Variants in DNM2 observed in about 807,000 individuals in gnomAD.
DNM2 encodes dynamin-2.
Under a neutral mutation model 99.0 loss-of-function variants are expected in DNM2, and 15 were observed. The ratio of observed to expected loss-of-function variants is 0.15; its 90% confidence interval spans 0.10 to 0.23. The LOEUF is 0.23. Ranked by LOEUF, DNM2 falls within the 10% of genes least tolerant of loss-of-function variation. DNM2 has a pLI of 1.00. For synonymous variants in DNM2, 525 were observed against 481.2 expected, an observed-to-expected ratio of 1.09 and a Z score of -1.19; for missense variants, 742 against 1,189.4, an observed-to-expected ratio of 0.62 and a Z score of 5.53.
rs1211532178 is a variant in DNM2 at position 10,818,826 on chromosome 19, T to G, written c.1672-1154T>G. On this transcript the variant is annotated intron_variant, in intron 15 of 20. Transcript: ENST00000389253. This position sits in a 1 kb window ranked among gnomAD's most constrained non-coding sequence, Gnocchi z 4.3. Reference sequence around the variant, plus strand: ...CTTTGGGTCACAGAGACCTGGCCTCTGAAGTCCTGCTGTGGCTTGCGCTGC... The same window carrying G: ...CTTTGGGTCACAGAGACCTGGCCTCGGAAGTCCTGCTGTGGCTTGCGCTGC... Among the ~76,000 whole-genome samples, 2 of 152,206 alleles carry G rather than the reference T, an allele frequency of 1.3e-5. No homozygotes were observed. The highest frequency in any genetic ancestry group is 2.9e-5 in the Non-Finnish European group (2 of 68,022).
At chr19:10,743,182 A>G (rs1391460547) in intron 1 of DNM2, among the ~76,000 whole-genome samples, 1 of 151,848 alleles carries the variant, frequency 6.6e-6, no homozygotes, top group African/African-American at 2.4e-5. Flanking sequence ...CTAGGATTAC[A>G]GGTGTGAGCC....
At chr19:10,800,743 G>T (rs1195895263) in intron 11 of DNM2, among the ~76,000 whole-genome samples, 1 of 152,248 alleles carries the variant, frequency 6.6e-6, no homozygotes, top group African/African-American at 2.4e-5. Context: ...TTATAAATGG[G>T]AATCAAGCCA....
intron 4 of DNM2, among the ~76,000 whole-genome samples, 158 bp from the exon 5 acceptor site, chr19:10,776,960 A>G (rs899945696): frequency 6.6e-6 from 1 of 152,168 alleles, no homozygotes; most frequent in African/African-American, 2.4e-5. Context: ...TTCATTCGAC[A>G]TGTCGGAAAC....
At chr19:10,748,374 G>A (rs2070069538) in intron 1 of DNM2, among the ~76,000 whole-genome samples, 2 of 152,146 alleles carry the variant, frequency 1.3e-5, no homozygotes, top group African/African-American at 4.8e-5. Context: ...GGGTGGGTGA[G>A]GGCCAGGGGA....
chr19:10,794,084 A>C (rs1191203763), intron 8 of DNM2, among the ~76,000 whole-genome samples: 1 of 152,194 alleles, frequency 6.6e-6, no homozygotes, highest in African/African-American at 2.4e-5. Context: ...TTTTCCTCTG[A>C]CAAAAGCCAA....
At chr19:10,778,017 C>T (rs991393940) in intron 5 of DNM2, among the ~76,000 whole-genome samples, 1 of 108,804 alleles carries the variant, frequency 9.2e-6, no homozygotes, top group Non-Finnish European at 1.9e-5. Context: ...TTTATTTTTT[C>T]ATTTTATTTA....
intron 17 of DNM2, 26 bp downstream of exon 17, chr19:10,823,925 G>C (rs1271297281): frequency 6.2e-7 from 1 of 1,608,278 alleles, no homozygotes; most frequent in Admixed American, 1.7e-5. Context: ...GCGCAGCCAG[G>C]CCCAGAGCCC....
chr19:10,721,025 C>T (rs775876924), intron 1 of DNM2, among the ~76,000 whole-genome samples: 6 of 152,006 alleles, frequency 3.9e-5, no homozygotes, highest in African/African-American at 9.7e-5. Flanking sequence ...GGTCTCTCTC[C>T]CATCCTTACC....
chr19:10,786,678 C>A lies in DNM2; in HGVS notation c.964C>A (p.Pro322Thr). The change falls in exon 7 of 21, where the codon CCC (proline) becomes ACC (threonine). Residue 322 changes from proline to threonine, a missense_variant. Pro to Thr is a conservative substitution (Grantham distance 38, BLOSUM62 -1). This residue lies in a region of DNM2 where 44 missense variants were observed against 41.3 expected (regional missense o/e 1.06). Transcript: ENST00000389253. ...EEYKNFRPDDPTRKTKALLQM... is the reference protein window; with the variant it reads ...EEYKNFRPDDTTRKTKALLQM... Reference sequence around the variant, plus strand: ...GTACAAGAACTTTCGGCCCGACGACCCCACCCGCAAAACCAAAGCCCTGCT... The same window carrying A: ...GTACAAGAACTTTCGGCCCGACGACACCACCCGCAAAACCAAAGCCCTGCT... 6.2e-7 allele frequency: 1 copy of A among 1,614,162 alleles called. No individual in the cohort carries two copies.
chr19:10,806,063 G>T, intron 13 of DNM2, 96 bp downstream of exon 13: 3 of 1,498,654 alleles, frequency 2.0e-6, no homozygotes, highest in Non-Finnish European at 1.8e-6. Flanking sequence ...CCTGTGTAAA[G>T]CCCCACCCCA....
intron 5 of DNM2, among the ~76,000 whole-genome samples, chr19:10,782,364 TTCTCTTTC>T (rs2145957139): frequency 1.3e-5 from 2 of 149,518 alleles, no homozygotes; most frequent in Admixed American, 6.7e-5. Context: ...CTTTTTCTTT[TTCTCTTTC>T]TTTTTATTCA....
chr19:10,755,746 C>T (rs1338466453), intron 1 of DNM2, among the ~76,000 whole-genome samples: 1 of 152,004 alleles, frequency 6.6e-6, no homozygotes, highest in Non-Finnish European at 1.5e-5. Context: ...TCACTACAAT[C>T]TCCGCCTCCC....
chr19:10,830,180 C>T lies in DNM2; in HGVS notation c.2345C>T (p.Pro782Leu). The change falls in exon 20 of 21, where the codon CCA becomes CTA. Residue 782 changes from proline to leucine, a missense_variant. Physicochemically the swap from Pro to Leu is moderately conservative, Grantham distance 98 (BLOSUM62 -3). Coordinates refer to ENST00000389253, the MANE Select transcript of DNM2 (RefSeq NM_001005361.3). The surrounding 1 kb of genome is among the most constrained non-coding windows in gnomAD (Gnocchi z 4.8). ...AGCATACACCCCCCTGGCCGGCCCC[C>T]AGCAGTGAGGGGCCCCACTCCAGGG... ...VSSIHPPGRP[P>L]AVRGPTPGPP... 1 of 1,613,614 alleles carries T rather than the reference C, an allele frequency of 6.2e-7. No individual in the cohort carries two copies. Among genetic ancestry groups the T allele is most frequent in the Non-Finnish European group, 8.5e-7 (1 of 1,179,620 alleles).
rs779315825 is a variant in DNM2 at position 10,829,255 on chromosome 19, G to A, written c.2278G>A (p.Ala760Thr). 1.8e-5 allele frequency: 29 copies of A among 1,613,072 alleles called. 1 individual carries two copies. Among genetic ancestry groups the A allele is most frequent in the South Asian group, 1.5e-4 (14 of 91,082 alleles). ...TGTCGATGACACCTGGCTCCAGAGCGCCAGCAGCCACAGGTCCGGAAGCCT... is the reference window on the plus strand; with the variant it reads ...TGTCGATGACACCTGGCTCCAGAGCACCAGCAGCCACAGGTCCGGAAGCCT... ...PPVDDTWLQS[A>T]SSHSPTPQRR... Residue 760 changes from alanine to threonine, a missense_variant, in exon 19 of 21, where the codon GCC becomes ACC. Transcript: ENST00000389253.
chr19:10,735,659 G>A (rs886202520), intron 1 of DNM2, among the ~76,000 whole-genome samples: 2 of 151,222 alleles, frequency 1.3e-5, no homozygotes, highest in African/African-American at 2.4e-5. Flanking sequence ...GACTACAGGC[G>A]CCCACCACCA....
intron 1 of DNM2, among the ~76,000 whole-genome samples, chr19:10,759,414 A>G (rs1195219470): frequency 6.6e-6 from 1 of 152,194 alleles, no homozygotes; most frequent in Non-Finnish European, 1.5e-5. Context: ...TAAAACACAT[A>G]GGAAATGTGT....
intron 17 of DNM2, chr19:10,824,558 C>A (rs771327904): frequency 2.1e-4 from 43 of 205,574 alleles, no homozygotes; most frequent in Non-Finnish European, 1.5e-4. Flanking sequence ...GCAATCCCAA[C>A]ACTTTGGGAG....
intron 4 of DNM2, among the ~76,000 whole-genome samples, chr19:10,776,568 G>A (rs2071162796): frequency 6.6e-6 from 1 of 152,252 alleles, no homozygotes; most frequent in South Asian, 2.1e-4. Context: ...CACAGAGCCA[G>A]GCCCTCAGCC....
At chr19:10,742,954 T>C (rs146877356) in intron 1 of DNM2, among the ~76,000 whole-genome samples, 319 of 149,972 alleles carry the variant, frequency 2.1e-3, no homozygotes, top group African/African-American at 7.6e-3. Context: ...CCCTCTGTCA[T>C]GCAGGTTGTG....
Sources: allele counts gnomAD v4.1 joint callset (sites outside exome capture counted in the v4.1 genomes callset), GRCh38; gene constraint gnomAD v4.1.1; regional missense constraint gnomAD v4.1.1; non-coding constraint Gnocchi (gnomAD v3.1); transcripts MANE v1.5; gene names NCBI Gene and HGNC (gene_info 2026-07-23, HGNC 2026-07-21).